Variants in SYNE1 observed in about 807,000 individuals in gnomAD.
The protein encoded by SYNE1 is spectrin repeat containing nuclear envelope protein 1, also known as nesprin-1.
SYNE1 carries 616 observed loss-of-function variants against 1,111.0 expected under a neutral mutation model. The observed-to-expected ratio is 0.55, with a 90% confidence interval of 0.52 to 0.59. The LOEUF (loss-of-function observed/expected upper bound fraction) is 0.59, where lower values mean the gene tolerates loss of function less well. Among genes scored for constraint, SYNE1 ranks in the 20% least tolerant of loss-of-function variants. The pLI is 0.00. For missense variants in SYNE1, 10,006 were observed against 10,417.0 expected, an observed-to-expected ratio of 0.96 and a Z score of 1.72; for synonymous variants, 3,855 against 3,825.8, an observed-to-expected ratio of 1.01 and a Z score of -0.28.
At chr6:152,443,194 C>T (rs75932808) in intron 30 of SYNE1, among the ~76,000 whole-genome samples, 3,654 of 152,050 alleles carry the variant, frequency 0.024, 178 homozygotes, top group African/African-American at 0.084. Context: ...TTTATTGGAC[C>T]TAAAGTAAAT....
intron 3 of SYNE1, among the ~76,000 whole-genome samples, chr6:152,557,490 A>C (rs2099371497): frequency 6.6e-6 from 1 of 152,096 alleles, no homozygotes; most frequent in Non-Finnish European, 1.5e-5. Flanking sequence ...AAGATTAAAC[A>C]TAAAGAGATC....
intron 54 of SYNE1, among the ~76,000 whole-genome samples, chr6:152,386,812 A>G (rs953521038): frequency 2.0e-5 from 3 of 152,294 alleles, no homozygotes. Context: ...AAAAGCGGAG[A>G]AAGAGAAAAA....
intron 122 of SYNE1, 25 bp downstream of exon 122, chr6:152,214,881 C>A (rs575786739): frequency 6.2e-7 from 1 of 1,613,684 alleles, no homozygotes; most frequent in East Asian, 2.2e-5. Flanking sequence ...ACTGGAGCAA[C>A]CAAGACATCT....
rs752344039 is a variant in SYNE1, at chr6:152,441,240, T to C, written c.4039A>G (p.Thr1347Ala). The change falls in exon 32 of 146, where the codon ACA becomes GCA. Residue 1347 changes from threonine (T) to alanine (A), a missense_variant. Transcript: ENST00000367255. The part of the protein sequence containing the change: ...VTLRKWERFE[T>A]NKETVVRYLF... ...TATCTTACTACTGTTTCTTTGTTTG[T>C]TTCAAATCGCTCCCATTTTCTTAAT... 2 of 1,610,698 alleles carry C rather than the reference T, an allele frequency of 1.2e-6. No homozygotes were observed. Among genetic ancestry groups the C allele is most frequent in the South Asian group, 2.2e-5 (2 of 90,676 alleles).
chr6:152,283,916 T>C, intron 96 of SYNE1, 62 bp downstream of exon 96: 5 of 1,328,838 alleles, frequency 3.8e-6, no homozygotes, highest in Non-Finnish European at 5.4e-6. Flanking sequence ...CCCACATACT[T>C]GGTAACACAA....
chr6:152,306,832 G>A (rs568775826), intron 91 of SYNE1, among the ~76,000 whole-genome samples: 71 of 146,576 alleles, frequency 4.8e-4, no homozygotes, highest in Admixed American at 1.5e-3. Flanking sequence ...ACTGCAATAA[G>A]CCATGATCCC....
chr6:152,508,731 C>T (rs971856500), intron 8 of SYNE1, among the ~76,000 whole-genome samples: 7 of 152,122 alleles, frequency 4.6e-5, no homozygotes, highest in Non-Finnish European at 1.0e-4. Context: ...AGTGTTCCAG[C>T]AATGTGGGAA....
chr6:152,235,013 A>G (rs1269834939), intron 110 of SYNE1, among the ~76,000 whole-genome samples: 1 of 152,182 alleles, frequency 6.6e-6, no homozygotes, highest in Non-Finnish European at 1.5e-5. Flanking sequence ...TAAGCTGGGT[A>G]TAAAAATACC....
At chr6:152,529,130 A>G (rs911654891) in intron 4 of SYNE1, among the ~76,000 whole-genome samples, 1 of 151,960 alleles carries the variant, frequency 6.6e-6, no homozygotes, top group Non-Finnish European at 1.5e-5. Context: ...TATTTTATTC[A>G]TTTTTCTTCT....
chr6:152,228,691 T>C (rs1290046999), intron 115 of SYNE1, among the ~76,000 whole-genome samples: 1 of 152,242 alleles, frequency 6.6e-6, no homozygotes, highest in Non-Finnish European at 1.5e-5. Context: ...TACGCAGAAT[T>C]ACCTTTCAAA....
chr6:152,407,393 G>A (rs2097916829), intron 44 of SYNE1, among the ~76,000 whole-genome samples, 197 bp from the exon 45 acceptor site: 2 of 152,176 alleles, frequency 1.3e-5, no homozygotes, highest in African/African-American at 2.4e-5. Flanking sequence ...CTGTCATTGG[G>A]AGAGTTGTTT....
At chr6:152,431,089 A>G (rs1202760742) in intron 34 of SYNE1, among the ~76,000 whole-genome samples, 1 of 152,216 alleles carries the variant, frequency 6.6e-6, no homozygotes, top group Non-Finnish European at 1.5e-5. Flanking sequence ...TCAGTAACTC[A>G]TTAGAATGCT....
intron 124 of SYNE1, among the ~76,000 whole-genome samples, chr6:152,210,176 A>G (rs1372882877): frequency 6.6e-6 from 1 of 152,144 alleles, no homozygotes; most frequent in African/African-American, 2.4e-5. Context: ...GTAGGCTCTA[A>G]TCTGATTTTT....
chr6:152,208,899 C>T (rs773618688), intron 124 of SYNE1, among the ~76,000 whole-genome samples: 3 of 152,118 alleles, frequency 2.0e-5, no homozygotes, highest in Non-Finnish European at 4.4e-5. Flanking sequence ...ATAAATTTTA[C>T]TTAAGATTTC....
intron 126 of SYNE1, among the ~76,000 whole-genome samples, chr6:152,202,940 G>A (rs2075813830): frequency 1.3e-5 from 2 of 152,150 alleles, no homozygotes; most frequent in South Asian, 4.1e-4. Context: ...GAAGAAGAGA[G>A]ATAATGCACA....
intron 75 of SYNE1, among the ~76,000 whole-genome samples, chr6:152,338,323 T>A (rs1197775845): frequency 6.6e-6 from 1 of 152,060 alleles, no homozygotes. Context: ...CTTATTTTTC[T>A]TTTAAACTCA....
intron 18 of SYNE1, chr6:152,464,835 A>G (rs2098754875): frequency 1.2e-5 from 3 of 259,712 alleles, no homozygotes. Context: ...GATAAAATCC[A>G]AAACAGAATA....
intron 3 of SYNE1, among the ~76,000 whole-genome samples, chr6:152,582,278 A>G (rs890073693): frequency 6.6e-6 from 1 of 152,064 alleles, no homozygotes; most frequent in East Asian, 1.9e-4. Flanking sequence ...TAATATCATC[A>G]TATCTGGAAG....
chr6:152,635,800 C>T (rs1200573470), intron 2 of SYNE1, among the ~76,000 whole-genome samples: 2 of 152,160 alleles, frequency 1.3e-5, no homozygotes, highest in Non-Finnish European at 2.9e-5. Flanking sequence ...CAGAAATGAA[C>T]ATTGTGGGAT....
Sources: gnomAD v4.1 joint callset for allele counts (sites outside exome capture counted in the v4.1 genomes callset) on GRCh38, gnomAD v4.1.1 for gene constraint, MANE v1.5 for transcripts, NCBI Gene and HGNC (gene_info 2026-07-23, HGNC 2026-07-21) for gene names.